Variants in PRR12 observed in about 807,000 individuals in gnomAD.
PRR12 encodes the protein proline rich 12, also known as proline-rich protein 12.
In PRR12, 12 loss-of-function variants were observed where a neutral mutation model predicts 138.0. That is an observed-to-expected ratio of 0.09 (90% CI 0.06 to 0.14). The LOEUF (loss-of-function observed/expected upper bound fraction) is 0.14. PRR12 is among the 10% of genes least tolerant of loss of function. The pLI, the probability that PRR12 is intolerant of heterozygous loss-of-function variation, is 1.00. For synonymous variants in PRR12, 1,567 were observed against 1,291.7 expected, an observed-to-expected ratio of 1.21 and a Z score of -4.57; for missense variants, 2,692 against 2,861.3, an observed-to-expected ratio of 0.94 and a Z score of 1.35.
chr19:49,609,817 C>T (rs556493061), intron 6 of PRR12, among the ~76,000 whole-genome samples: 1 of 152,118 alleles, frequency 6.6e-6, no homozygotes, highest in South Asian at 2.1e-4. Context: ...GGGGTGAGTT[C>T]CATGGGTGCT....
At position 49,599,875 on chromosome 19, in the gene PRR12, G is replaced by A. The variant is rs530176716; in HGVS notation, c.4282G>A (p.Ala1428Thr). The A allele has an allele frequency of 3.1e-6, 5 of 1,612,664 alleles. No individual in the cohort carries two copies. In the African/African-American group the frequency reaches 5.3e-5, roughly 17 times the overall value. ...AGATGGGCCGCCCTTGGCCCCCGCG[G>A]CTGCAGTTCCAGGGCCACCCCCTCT... ...TPDGPPLAPA[A>T]AVPGPPPLPG... Residue 1428 changes from alanine to threonine, a missense_variant, in exon 5 of 14, where the codon GCT (alanine) becomes ACT (threonine). By Grantham distance (58) the Ala-to-Thr change is moderately conservative (BLOSUM62 0). Around this residue, in one of 11 missense-constraint regions of PRR12, gnomAD observed 231 missense variants for 200.8 expected, o/e 1.15. Coordinates refer to ENST00000418929, the MANE Select transcript of PRR12 (RefSeq NM_020719.3). The surrounding 1 kb of genome is among the most constrained non-coding windows in gnomAD (Gnocchi z 5.0).
At chr19:49,615,446 GATAGAGACCCAGAGAGGGAGGGGA>G (rs1568429940) in intron 8 of PRR12, among the ~76,000 whole-genome samples, 3 of 150,070 alleles carry the variant, frequency 2.0e-5, no homozygotes, top group African/African-American at 4.9e-5. Flanking sequence ...GAAAGAGGGG[GATAGAGACCCAGAGAGGGAGGGGA>G]ATAGAGACCC....
At chr19:49,600,108 T>C (rs190662101) in intron 5 of PRR12, among the ~76,000 whole-genome samples, 170 bp downstream of exon 5, 3 of 152,360 alleles carry the variant, frequency 2.0e-5, no homozygotes, top group African/African-American at 7.2e-5. Flanking sequence ...GAGGAAGGTC[T>C]ATCTTTTTCT....
chr19:49,617,514 C>T lies in PRR12; in HGVS notation c.5497+1295C>T, dbSNP rs541797030. ...GGCTTGGTGGTGAATGCCTGTAGTC[C>T]CAGCTACTCAGGAGGCTGAGGCAGA... is the stretch of plus-strand genomic sequence containing the variant. On this transcript the variant is annotated intron_variant, in intron 9 of 13. Coordinates refer to ENST00000418929, the MANE Select transcript of PRR12 (RefSeq NM_020719.3). Among the ~76,000 whole-genome samples the T allele has an allele frequency of 1.0e-3, 159 of 152,040 alleles. 1 individual carries two copies. Among genetic ancestry groups the T allele is most frequent in the Admixed American group, 5.0e-3 (76 of 15,256 alleles).
chr19:49,609,839 T>C (rs2080856755), intron 6 of PRR12, among the ~76,000 whole-genome samples: 1 of 152,060 alleles, frequency 6.6e-6, no homozygotes, highest in South Asian at 2.1e-4. Flanking sequence ...ATGAAGACAT[T>C]AGGCTCTGTG....
At chr19:49,613,355 T>TGA (rs1160480196) in intron 6 of PRR12, among the ~76,000 whole-genome samples, 3 of 150,062 alleles carry the variant, frequency 2.0e-5, no homozygotes, top group East Asian at 3.9e-4. Context: ...AAAAAAAATC[T>TGA]GAGGCCCCTC....
intron 11 of PRR12, among the ~76,000 whole-genome samples, chr19:49,622,190 C>G (rs1417558836): frequency 6.6e-6 from 1 of 152,132 alleles, no homozygotes; most frequent in Non-Finnish European, 1.5e-5. Context: ...TGCAGTGATT[C>G]TGAGAATTCT....
At chr19:49,612,477 G>A (rs2080871944) in intron 6 of PRR12, among the ~76,000 whole-genome samples, 1 of 152,046 alleles carries the variant, frequency 6.6e-6, no homozygotes, top group Non-Finnish European at 1.5e-5. Context: ...GGTGTGGGGT[G>A]GGGATGCTGG....
At chr19:49,602,513 A>G (rs1304047164) in intron 6 of PRR12, among the ~76,000 whole-genome samples, 1 of 152,260 alleles carries the variant, frequency 6.6e-6, no homozygotes, top group Admixed American at 6.5e-5. Flanking sequence ...AAACAAACAA[A>G]AAAAGTGAAT....
Position 49,625,742 on chromosome 19 carries a change from C to CTGGAGGGGG in PRR12, c.*135_*136insTGGAGGGGG. ...TGGGTCAGGGTGTGTCTGTGCTGCC[C>CTGGAGGGGG]CCTCCAGGGCAGGGTTCAAAGTCCG... On this transcript the variant is annotated 3_prime_UTR_variant, in exon 14 of 14. Transcript: ENST00000418929. This position sits in a 1 kb window ranked among gnomAD's most constrained non-coding sequence, Gnocchi z 5.5. 1 of 1,212,434 alleles carries CTGGAGGGGG rather than the reference C, an allele frequency of 8.2e-7. No homozygotes were observed. Among genetic ancestry groups the CTGGAGGGGG allele is most frequent in the Non-Finnish European group, 1.1e-6 (1 of 919,158 alleles). 75.1% of individuals were successfully genotyped at this position (1,212,434 alleles called of 1,614,324 possible). A position where few individuals can be genotyped will look rare whatever the true frequency, so the allele number is the denominator to read the frequency against.
At position 49,594,586 on chromosome 19, in the gene PRR12, C is replaced by G. The variant is rs773057586; in HGVS notation, c.332C>G (p.Ser111Cys). The part of the protein sequence containing the change: ...QPGPSASSLL[S>C]QFRSPSWQTA... ...GGCCCCTCCGCCTCCTCTCTCCTCT[C>G]CCAGTTCCGCAGTCCTTCCTGGCAA... The change falls in exon 3 of 14, where the codon TCC becomes TGC. Residue 111 changes from serine to cysteine, a missense_variant. By Grantham distance (112) the Ser-to-Cys change is moderately radical. This residue lies in a region of PRR12 where 211 missense variants were observed against 266.3 expected (regional missense o/e 0.79). Coordinates refer to ENST00000418929, the MANE Select transcript of PRR12 (RefSeq NM_020719.3). This position sits in a 1 kb window ranked among gnomAD's most constrained non-coding sequence, Gnocchi z 5.6. 1 of 1,612,934 alleles carries G rather than the reference C, an allele frequency of 6.2e-7. No individual in the cohort carries two copies. Among genetic ancestry groups the G allele is most frequent in the Non-Finnish European group, 8.5e-7 (1 of 1,179,760 alleles).
intron 6 of PRR12, among the ~76,000 whole-genome samples, chr19:49,604,968 C>G (rs2080830974): frequency 6.6e-6 from 1 of 152,074 alleles, no homozygotes; most frequent in Non-Finnish European, 1.5e-5. Flanking sequence ...TCTCATAACT[C>G]AGCCTCTCGA....
chr19:49,595,132 A>T lies in PRR12; in HGVS notation c.797A>T (p.Tyr266Phe). Residue 266 changes from tyrosine (Y) to phenylalanine (F), a missense_variant, in exon 4 of 14, where the codon TAT becomes TTT. By Grantham distance (22) the Tyr-to-Phe change is conservative. Coordinates refer to ENST00000418929, the MANE Select transcript of PRR12 (RefSeq NM_020719.3). ...GCCGAGCAGTCCTCCCCACAGCTCTATAACTTCTCGGGTGCTGCCCCGGGC... is the reference window on the plus strand; with the variant it reads ...GCCGAGCAGTCCTCCCCACAGCTCTTTAACTTCTCGGGTGCTGCCCCGGGC... Reference protein sequence around the residue: ...AAAEQSSPQLYNFSGAAPGPP... With the variant: ...AAAEQSSPQLFNFSGAAPGPP... The T allele has an allele frequency of 3.1e-6, 5 of 1,611,662 alleles. No individual in the cohort carries two copies. The highest frequency in any genetic ancestry group is 4.2e-6 in the Non-Finnish European group (5 of 1,179,616).
rs1039584160 is a variant in PRR12 at position 49,597,009 on chromosome 19, C to G, written c.2674C>G (p.Pro892Ala). 3.2e-6 allele frequency: 5 copies of G among 1,557,918 alleles called. No individual in the cohort carries two copies. Among genetic ancestry groups the G allele is most frequent in the African/African-American group, 2.7e-5 (2 of 73,378 alleles). ...GCTCGGGGCTCTGGAGCCGCTGCCC[C>G]CGGCGCCTGGGGATACTGGCGTAGG... ...ELLGALEPLPPAPGDTGVGPP... is the reference protein window; with the variant it reads ...ELLGALEPLPAAPGDTGVGPP... Residue 892 changes from proline to alanine, a missense_variant, in exon 4 of 14, where the codon CCG becomes GCG. Physicochemically the swap from Pro to Ala is conservative, Grantham distance 27. Around this residue, in one of 11 missense-constraint regions of PRR12, gnomAD observed 840 missense variants for 689.8 expected, o/e 1.22. Transcript: ENST00000418929. This position sits in a 1 kb window ranked among gnomAD's most constrained non-coding sequence, Gnocchi z 6.3.
Position 49,615,070 on chromosome 19 carries a change from G to C in PRR12, c.5024+61G>C. ...GTAGCGCCGACAGGCATGGGGATGCGGCATGCAAGAGAGAAGGCTGGAGAG... is the reference window on the plus strand; with the variant it reads ...GTAGCGCCGACAGGCATGGGGATGCCGCATGCAAGAGAGAAGGCTGGAGAG... On this transcript the variant is annotated intron_variant, in intron 8 of 13. Transcript: ENST00000418929. The C allele has an allele frequency of 1.9e-6, 3 of 1,601,508 alleles. No homozygotes were observed. In the South Asian group the frequency reaches 3.3e-5, roughly 18 times the overall value.
chr19:49,593,445 G>T lies in PRR12; in HGVS notation c.199+6G>T, dbSNP rs759103875. On this transcript the variant is annotated splice_donor_region_variant and intron_variant, in intron 2 of 13. Transcript: ENST00000418929. ...CACCAACCACCACCCGGCAGGTACG[G>T]CCCCCATCCCGCCCCGCTTTGGGCT... 5 of 1,491,202 alleles carry T rather than the reference G, an allele frequency of 3.4e-6. No homozygotes were observed. In the East Asian group the frequency reaches 9.1e-5, roughly 27 times the overall value. The allele number at this position is 1,491,202 out of a possible 1,614,324, so 92.4% of individuals were successfully genotyped here.
Position 49,594,380 on chromosome 19 carries a change from G to A in PRR12, c.200-74G>A. The stretch of plus-strand genomic sequence containing the variant: ...CTTTTCCTGATCCAACTTGCTTTTG[G>A]CCTCTTCCCTTTCTCTCTTGACTGT... On this transcript the variant is annotated intron_variant, in intron 2 of 13. Transcript: ENST00000418929. The surrounding 1 kb of genome is among the most constrained non-coding windows in gnomAD (Gnocchi z 5.6). 7.1e-7 allele frequency: 1 copy of A among 1,416,322 alleles called. No individual in the cohort carries two copies. The highest frequency in any genetic ancestry group is 2.4e-5 in the East Asian group (1 of 42,078). The allele number at this position is 1,416,322 out of a possible 1,614,324, so 87.7% of individuals were successfully genotyped here.
At chr19:49,615,671 C>T in intron 8 of PRR12, 76 bp from the exon 9 acceptor site, 2 of 1,213,616 alleles carry the variant, frequency 1.6e-6, no homozygotes, top group Non-Finnish European at 2.3e-6. Context: ...GTGCCTAGGG[C>T]ACTGAGCAGG....
rs2080785536 is a variant in PRR12, at chr19:49,597,892, G to T, written c.3557G>T (p.Gly1186Val). Residue 1186 changes from glycine to valine, a missense_variant, in exon 4 of 14, where the codon GGG becomes GTG. By Grantham distance (109) the Gly-to-Val change is moderately radical (BLOSUM62 -3). Transcript: ENST00000418929. The surrounding 1 kb of genome is among the most constrained non-coding windows in gnomAD (Gnocchi z 6.3). ...CCCCTGGAGGTCCCGACCACTGCGG[G>T]GCCCGCCTCGGCCTCCACGCCCACC... ...IRPLEVPTTA[G>V]PASASTPTDG... 1 of 1,419,524 alleles carries T rather than the reference G, an allele frequency of 7.0e-7. No homozygotes were observed. The highest frequency in any genetic ancestry group is 1.5e-5 in the African/African-American group (1 of 66,678). The allele number at this position is 1,419,524 out of a possible 1,614,324, so 87.9% of individuals were successfully genotyped here.
Sources: allele counts gnomAD v4.1 joint callset (sites outside exome capture counted in the v4.1 genomes callset), GRCh38; gene constraint gnomAD v4.1.1; regional missense constraint gnomAD v4.1.1; non-coding constraint Gnocchi (gnomAD v3.1); transcripts MANE v1.5; gene names NCBI Gene and HGNC (gene_info 2026-07-23, HGNC 2026-07-21).